The following GRM8 variants were observed in gnomAD, a reference collection of about 807,000 sequenced individuals.
GRM8 encodes metabotropic glutamate receptor 8.
GRM8 carries 47 observed loss-of-function variants against 87.2 expected under a neutral mutation model. The observed-to-expected ratio is 0.54, with a 90% CI of 0.43 to 0.69. The LOEUF (loss-of-function observed/expected upper bound fraction) is 0.69. Ranked by LOEUF, GRM8 falls within the 30% of genes least tolerant of loss-of-function variation. The pLI is 0.00. For synonymous variants in GRM8, 396 were observed against 404.5 expected, an observed-to-expected ratio of 0.98 and a Z score of 0.25; for missense variants, 1,019 against 1,139.2, an observed-to-expected ratio of 0.89 and a Z score of 1.52.
At chr7:126,965,225 G>T (rs1007629015) in intron 3 of GRM8, among the ~76,000 whole-genome samples, 1 of 151,728 alleles carries the variant, frequency 6.6e-6, no homozygotes, top group African/African-American at 2.4e-5. Flanking sequence ...CAGGTTGATG[G>T]GTACAGCAAA....
intron 8 of GRM8, among the ~76,000 whole-genome samples, chr7:126,540,519 C>A (rs1285303977): frequency 6.6e-6 from 1 of 151,650 alleles, no homozygotes. Context: ...TTCATAATAC[C>A]CCCCAAAACC....
intron 3 of GRM8, among the ~76,000 whole-genome samples, chr7:126,958,533 C>T (rs1253900635): frequency 1.3e-5 from 2 of 152,160 alleles, no homozygotes; most frequent in African/African-American, 2.4e-5. Flanking sequence ...CCTGGCTGTG[C>T]GCAGTGGCTG....
intron 6 of GRM8, among the ~76,000 whole-genome samples, chr7:126,839,886 T>A (rs149366175): frequency 3.7e-4 from 56 of 152,274 alleles, no homozygotes; most frequent in South Asian, 1.7e-3. Flanking sequence ...CCACTCCATA[T>A]CCAGACATCC....
At chr7:126,864,572 T>C in intron 6 of GRM8, among the ~76,000 whole-genome samples, 1 of 152,302 alleles carries the variant, frequency 6.6e-6, no homozygotes, top group South Asian at 2.1e-4. Context: ...TCTATACTTA[T>C]ATACATATAT....
Position 127,185,015 on chromosome 7 carries a change from C to T in GRM8, c.510+57680G>A, listed in dbSNP as rs147562458. Among the ~76,000 whole-genome samples, 401 of 152,034 alleles carry T rather than the reference C, an allele frequency of 2.6e-3. 1 individual carries two copies. The highest frequency in any genetic ancestry group is 8.6e-3 in the African/African-American group (356 of 41,520). On this transcript the variant is annotated intron_variant, in intron 2 of 10. Coordinates refer to ENST00000339582, the MANE Select transcript of GRM8 (RefSeq NM_000845.3). ...TATTCCATTTTCAAGGATAGGAAGA[C>T]TCAATATTGTTAAGATGTCAGTTCT...
intron 7 of GRM8, among the ~76,000 whole-genome samples, chr7:126,659,346 T>C (rs1804897227): frequency 6.6e-6 from 1 of 152,228 alleles, no homozygotes; most frequent in South Asian, 2.1e-4. Context: ...TTGAGCTTTG[T>C]AAACTAAAAA....
At chr7:127,039,591 T>C (rs1346299962) in intron 3 of GRM8, among the ~76,000 whole-genome samples, 1 of 135,006 alleles carries the variant, frequency 7.4e-6, no homozygotes, top group Non-Finnish European at 1.6e-5. Context: ...GAGTCCACAA[T>C]GCTGGTCTGG....
At chr7:126,644,794 A>T (rs1585345592) in intron 7 of GRM8, among the ~76,000 whole-genome samples, 1 of 152,216 alleles carries the variant, frequency 6.6e-6, no homozygotes, top group Non-Finnish European at 1.5e-5. Context: ...CCAGGGAACC[A>T]CACTCAGAAA....
chr7:127,252,874 C>T lies in GRM8; in HGVS notation c.-389G>A. 4.5e-6 allele frequency: 1 copy of T among 222,440 alleles called. No individual in the cohort carries two copies. The highest frequency in any genetic ancestry group is 8.6e-6 in the Non-Finnish European group (1 of 116,874). 13.8% of individuals were successfully genotyped at this position (222,440 alleles called of 1,614,324 possible). A position where few individuals can be genotyped will look rare whatever the true frequency, so the allele number is the denominator to read the frequency against. ...CATGTCAGCGCCGCCGCCGCCGCCG[C>T]CGCCGCCGCGTGAGGCGAGCACAGC... is the stretch of plus-strand genomic sequence containing the variant. On this transcript the variant is annotated 5_prime_UTR_variant, in exon 1 of 11. Transcript: ENST00000339582. This position sits in a 1 kb window ranked among gnomAD's most constrained non-coding sequence, Gnocchi z 4.9.
chr7:126,538,602 G>A (rs1046222872), intron 8 of GRM8, among the ~76,000 whole-genome samples: 1 of 151,724 alleles, frequency 6.6e-6, no homozygotes, highest in Non-Finnish European at 1.5e-5. Context: ...ATTTCCTCTT[G>A]CTCTACATGT....
intron 9 of GRM8, among the ~76,000 whole-genome samples, chr7:126,477,597 A>AAGAAAG (rs1554446074): frequency 3.2e-5 from 2 of 62,298 alleles, no homozygotes; most frequent in African/African-American, 9.2e-5. Flanking sequence ...GAAAGAAAGA[A>AAGAAAG]AGAAAGAAAG....
Position 126,586,066 on chromosome 7 carries a change from G to A in GRM8, c.1494+23296C>T, listed in dbSNP as rs1457848244. 3.9e-5 allele frequency among the ~76,000 whole-genome samples: 6 copies of A among 152,030 alleles called. No homozygotes were observed. In the East Asian group the frequency reaches 1.2e-3, roughly 29 times the overall value. ...ACAAACAGAGAGCCAAATCATGAAT[G>A]GACTCCCATTCACAACTGCTTCAAA... On this transcript the variant is annotated intron_variant, in intron 8 of 10. Transcript: ENST00000339582.
intron 9 of GRM8, among the ~76,000 whole-genome samples, chr7:126,447,366 G>A (rs900619593): frequency 6.6e-6 from 1 of 151,798 alleles, no homozygotes; most frequent in East Asian, 1.9e-4. Flanking sequence ...TTGGGATACT[G>A]AGGCCACGGA....
chr7:126,926,723 C>A (rs2131400450), intron 3 of GRM8, among the ~76,000 whole-genome samples: 1 of 152,326 alleles, frequency 6.6e-6, no homozygotes, highest in Middle Eastern at 3.4e-3. Context: ...CAACCATCTG[C>A]CACCAACTAA....
intron 9 of GRM8, among the ~76,000 whole-genome samples, chr7:126,490,320 C>T (rs1048562795): frequency 1.3e-5 from 2 of 152,016 alleles, no homozygotes. Flanking sequence ...TCCCTGCATG[C>T]TGACAACTGC....
chr7:126,638,340 A>G (rs984295595), intron 7 of GRM8, among the ~76,000 whole-genome samples: 3 of 151,550 alleles, frequency 2.0e-5, no homozygotes, highest in Admixed American at 1.3e-4. Context: ...CTGCTCTGGC[A>G]CAAGGCAGAG....
intron 8 of GRM8, among the ~76,000 whole-genome samples, chr7:126,588,684 C>T (rs982348645): frequency 6.6e-6 from 1 of 152,110 alleles, no homozygotes; most frequent in African/African-American, 2.4e-5. Flanking sequence ...GGAGATACAT[C>T]ATGAACTTTT....
intron 7 of GRM8, among the ~76,000 whole-genome samples, chr7:126,615,062 C>T (rs1314840536): frequency 6.6e-6 from 1 of 152,086 alleles, no homozygotes; most frequent in East Asian, 1.9e-4. Flanking sequence ...AACTCCAAGA[C>T]ACATAATTGT....
chr7:127,192,787 T>C (rs1795091875), intron 2 of GRM8, among the ~76,000 whole-genome samples: 1 of 152,182 alleles, frequency 6.6e-6, no homozygotes, highest in South Asian at 2.1e-4. Flanking sequence ...GGCGAAGAGA[T>C]ATCAAGCTGG....
Sources: gnomAD v4.1 joint callset for allele counts (sites outside exome capture counted in the v4.1 genomes callset) on GRCh38, gnomAD v4.1.1 for gene constraint, Gnocchi (gnomAD v3.1) non-coding constraint, MANE v1.5 for transcripts, NCBI Gene and HGNC (gene_info 2026-07-23, HGNC 2026-07-21) for gene names.